Variants in SKI observed in about 807,000 individuals in gnomAD.
The protein encoded by SKI is ski oncogene.
A neutral mutation model predicts 59.3 loss-of-function variants in SKI; 23 were observed. That is an observed-to-expected ratio of 0.39 (90% CI 0.28 to 0.55). The LOEUF (loss-of-function observed/expected upper bound fraction) is 0.55, where lower values mean the gene tolerates loss of function less well. Among genes scored for constraint, SKI ranks in the 20% least tolerant of loss-of-function variants. SKI has a pLI of 0.67. For missense variants in SKI, 1,017 were observed against 1,038.9 expected, an observed-to-expected ratio of 0.98 and a Z score of 0.29; for synonymous variants, 673 against 488.6, an observed-to-expected ratio of 1.38 and a Z score of -4.98.
intron 1 of SKI, among the ~76,000 whole-genome samples, chr1:2,248,962 G>A (rs567057933): frequency 6.6e-6 from 1 of 152,348 alleles, no homozygotes; most frequent in East Asian, 1.9e-4. Context: ...CAGGAGCCGC[G>A]TCTGGGCGCT....
chr1:2,301,399 G>A (rs957584745), intron 1 of SKI, among the ~76,000 whole-genome samples: 9 of 152,212 alleles, frequency 5.9e-5, no homozygotes, highest in East Asian at 1.9e-4. Context: ...CCTGCCCTGC[G>A]TCCCCGGCCC....
In SKI at chr1:2,303,464, C is replaced by T. The variant is rs2256178; in HGVS notation, c.1211+64C>T. The T allele has an allele frequency of 0.21, 294,120 of 1,404,790 alleles. 32,899 individuals are homozygous for T. The highest frequency in any genetic ancestry group is 0.37 in the Admixed American group (21,856 of 59,002). The allele number at this position is 1,404,790 out of a possible 1,614,324, so 87.0% of individuals were successfully genotyped here. A position where few individuals can be genotyped will look rare whatever the true frequency, so the allele number is the denominator to read the frequency against. On this transcript the variant is annotated intron_variant, in intron 3 of 6. Coordinates refer to ENST00000378536, the MANE Select transcript of SKI (RefSeq NM_003036.4). The surrounding 1 kb of genome is among the most constrained non-coding windows in gnomAD (Gnocchi z 5.6). ...GGAGGCTCCACGAGGGCTGTGCATG[C>T]GGACGCGCCCATGTTTCTGCAGGCT...
At chr1:2,304,861 C>T (rs2100921016) in intron 5 of SKI, among the ~76,000 whole-genome samples, 1 of 152,362 alleles carries the variant, frequency 6.6e-6, no homozygotes, top group African/African-American at 2.4e-5. Context: ...CAGGATCACA[C>T]ACCCTGCGTG....
At chr1:2,258,643 C>T (rs1639322429) in intron 1 of SKI, among the ~76,000 whole-genome samples, 1 of 152,002 alleles carries the variant, frequency 6.6e-6, no homozygotes, top group South Asian at 2.1e-4. Flanking sequence ...CAACCTCTGC[C>T]TCCCAGGTTC....
rs370921440 is a variant in SKI, at chr1:2,303,832, C to T, written c.1212-8C>T. ...AGGCACCTTCCCGACACCCGCCTGC[C>T]CCTCCAGCTTCTACTCCTACAAGAG... On this transcript the variant is annotated splice_region_variant and splice_polypyrimidine_tract_variant and intron_variant, in intron 3 of 6. Transcript: ENST00000378536. This position sits in a 1 kb window ranked among gnomAD's most constrained non-coding sequence, Gnocchi z 5.6. 4.7e-5 allele frequency: 76 copies of T among 1,612,204 alleles called. No individual in the cohort carries two copies. The highest frequency in any genetic ancestry group is 1.7e-4 in the Middle Eastern group (1 of 6,040).
intron 1 of SKI, among the ~76,000 whole-genome samples, chr1:2,286,604 T>C (rs1640044405): frequency 6.6e-6 from 1 of 152,238 alleles, no homozygotes; most frequent in Admixed American, 6.5e-5. Flanking sequence ...GCGTGTGCAT[T>C]TTATTCTTAC....
At position 2,260,381 on chromosome 1, in the gene SKI, A is replaced by G. The variant is rs182039103; in HGVS notation, c.969+30646A>G. ...TTTGTTGTTTTACTGTTGACTCGTG[A>G]GATCTTTACGTATTCTGGATGCAAG... On this transcript the variant is annotated intron_variant, in intron 1 of 6. Coordinates refer to ENST00000378536, the MANE Select transcript of SKI (RefSeq NM_003036.4). 2.2e-3 allele frequency among the ~76,000 whole-genome samples: 329 copies of G among 152,084 alleles called. 1 individual carries two copies. Among genetic ancestry groups the G allele is most frequent in the African/African-American group, 7.4e-3 (306 of 41,472 alleles).
intron 1 of SKI, among the ~76,000 whole-genome samples, chr1:2,263,901 C>G (rs904971093): frequency 6.6e-6 from 1 of 150,630 alleles, no homozygotes; most frequent in Non-Finnish European, 1.5e-5. Context: ...TGGGGCTAGG[C>G]ATGGTGGCTC....
intron 1 of SKI, among the ~76,000 whole-genome samples, chr1:2,249,539 C>T (rs1639075658): frequency 6.6e-6 from 1 of 152,228 alleles, no homozygotes; most frequent in Non-Finnish European, 1.5e-5. Context: ...GAAACCGACC[C>T]CAGGTGATTC....
chr1:2,233,260 C>T (rs377599), intron 1 of SKI, among the ~76,000 whole-genome samples: 42,595 of 135,766 alleles, frequency 0.31, 6,984 homozygotes, highest in Admixed American at 0.4. Context: ...CCCAGAGGTC[C>T]GGGATCCTGT....
At chr1:2,271,137 G>A (rs1346427858) in intron 1 of SKI, among the ~76,000 whole-genome samples, 1 of 152,132 alleles carries the variant, frequency 6.6e-6, no homozygotes, top group Non-Finnish European at 1.5e-5. Context: ...ACAAGCCTGG[G>A]CTCCTTTGTG....
At position 2,228,929 on chromosome 1, in the gene SKI, G is replaced by A. The variant is rs769506718; in HGVS notation, c.163G>A (p.Ala55Thr). The part of the protein sequence containing the change: ...EAYKKESAKE[A>T]GAAAVPAPVP... ...CTACAAGAAGGAGAGCGCCAAGGAGGCGGGCGCGGCCGCGGTGCCGGCGCC... is the reference window on the plus strand; with the variant it reads ...CTACAAGAAGGAGAGCGCCAAGGAGACGGGCGCGGCCGCGGTGCCGGCGCC... Residue 55 changes from alanine to threonine, a missense_variant, in exon 1 of 7, where the codon GCG becomes ACG. Transcript: ENST00000378536. The A allele has an allele frequency of 1.4e-6, 2 of 1,384,972 alleles. No homozygotes were observed. The highest frequency in any genetic ancestry group is 3.4e-5 in the East Asian group (1 of 29,306). 85.8% of individuals were successfully genotyped at this position (1,384,972 alleles called of 1,614,324 possible). A position where few individuals can be genotyped will look rare whatever the true frequency, so the allele number is the denominator to read the frequency against.
chr1:2,294,844 G>A (rs956941800), intron 1 of SKI, among the ~76,000 whole-genome samples: 25 of 152,286 alleles, frequency 1.6e-4, no homozygotes, highest in African/African-American at 5.8e-4. Flanking sequence ...CCCACAGCAG[G>A]GCAGGATCCA....
intron 1 of SKI, among the ~76,000 whole-genome samples, chr1:2,266,371 C>G (rs1639499711): frequency 6.6e-6 from 1 of 152,204 alleles, no homozygotes; most frequent in South Asian, 2.1e-4. Context: ...GCTCCCTTCT[C>G]TGCTGCTCCG....
rs768420010 is a variant in SKI, at chr1:2,229,150, C to T, written c.384C>T (p.Asn128=). The change falls in exon 1 of 7, where the codon AAC becomes AAT. Residue 128 remains asparagine, a synonymous_variant. Coordinates refer to ENST00000378536, the MANE Select transcript of SKI (RefSeq NM_003036.4). The surrounding 1 kb of genome is among the most constrained non-coding windows in gnomAD (Gnocchi z 6.3). ...EKRLCLPQIL[N]SVLRDFSLQQ... The stretch of plus-strand genomic sequence containing the variant: ...GCCTGTGTCTGCCGCAGATTCTCAA[C>T]TCGGTGCTGCGCGACTTCTCGCTGC... 1.9e-6 allele frequency: 3 copies of T among 1,611,934 alleles called. No individual in the cohort carries two copies. The highest frequency in any genetic ancestry group is 1.1e-5 in the South Asian group (1 of 91,036).
At chr1:2,264,291 A>G (rs758685095) in intron 1 of SKI, among the ~76,000 whole-genome samples, 2 of 152,258 alleles carry the variant, frequency 1.3e-5, no homozygotes, top group Non-Finnish European at 2.9e-5. Context: ...TTTATTTGAG[A>G]TGGAGTCTTG....
At chr1:2,263,911 C>T (rs1639441835) in intron 1 of SKI, among the ~76,000 whole-genome samples, 1 of 150,614 alleles carries the variant, frequency 6.6e-6, no homozygotes, top group East Asian at 2.0e-4. Flanking sequence ...CATGGTGGCT[C>T]ACGCCTATAA....
chr1:2,243,898 A>T (rs1486446701), intron 1 of SKI, among the ~76,000 whole-genome samples: 1 of 152,072 alleles, frequency 6.6e-6, no homozygotes, highest in Non-Finnish European at 1.5e-5. Flanking sequence ...CACGTTTCTG[A>T]TCATTTCCTT....
At chr1:2,242,615 G>C (rs577492897) in intron 1 of SKI, among the ~76,000 whole-genome samples, 14 of 152,160 alleles carry the variant, frequency 9.2e-5, no homozygotes, top group Admixed American at 5.2e-4. Context: ...GACATCTTGG[G>C]CTCAAGAGAT....
Sources: gnomAD v4.1 joint callset for allele counts (sites outside exome capture counted in the v4.1 genomes callset) on GRCh38, gnomAD v4.1.1 for gene constraint, Gnocchi (gnomAD v3.1) non-coding constraint, MANE v1.5 for transcripts, NCBI Gene and HGNC (gene_info 2026-07-23, HGNC 2026-07-21) for gene names.